PPID: variants seen among roughly 807,000 people sequenced by gnomAD.
PPID encodes the protein peptidylprolyl isomerase D.
PPID carries 47 observed loss-of-function variants against 48.1 expected under a neutral mutation model. The observed-to-expected ratio is 0.98, with a 90% CI of 0.77 to 1.25. The LOEUF is 1.25. PPID is among the 50% of genes most tolerant of loss of function. The pLI is 0.00. For missense variants in PPID, 429 were observed against 443.5 expected, an observed-to-expected ratio of 0.97 and a Z score of 0.29; for synonymous variants, 163 against 148.8, an observed-to-expected ratio of 1.10 and a Z score of -0.69.
chr4:158,720,871 C>G (rs1281997955), intron 2 of PPID, among the ~76,000 whole-genome samples: 3 of 152,022 alleles, frequency 2.0e-5, no homozygotes, highest in Non-Finnish European at 2.9e-5. Flanking sequence ...CCCACCATCA[C>G]ACCCGGCTTA....
At chr4:158,721,551 G>A in intron 1 of PPID, 68 bp from the exon 2 acceptor site, 1 of 1,531,018 alleles carries the variant, frequency 6.5e-7, no homozygotes, top group Non-Finnish European at 8.9e-7. Flanking sequence ...AAGAAGGTTG[G>A]TATAATTATG....
intron 6 of PPID, 130 bp downstream of exon 6, chr4:158,715,167 G>A: frequency 1.4e-6 from 1 of 734,004 alleles, no homozygotes; most frequent in South Asian, 3.5e-5. Flanking sequence ...GAAAAAAAAG[G>A]AAATGCAACT....
intron 6 of PPID, 112 bp from the exon 7 acceptor site, chr4:158,713,372 A>G: frequency 9.1e-7 from 1 of 1,101,640 alleles, no homozygotes; most frequent in Non-Finnish European, 1.2e-6. Flanking sequence ...TAAAAATGCT[A>G]TTAATAATCT....
At chr4:158,716,887 G>C in intron 4 of PPID, 125 bp downstream of exon 4, 1 of 935,682 alleles carries the variant, frequency 1.1e-6, no homozygotes, top group South Asian at 1.6e-5. Flanking sequence ...CTTGAACCTG[G>C]GAGACAGAGG....
rs147585130 is a variant in PPID at position 158,721,431 on chromosome 4, T to G, written c.138A>C (p.Glu46Asp). 2.5e-6 allele frequency: 4 copies of G among 1,614,018 alleles called. No homozygotes were observed. Among genetic ancestry groups the G allele is most frequent in the Non-Finnish European group, 3.4e-6 (4 of 1,179,990 alleles). The change falls in exon 2 of 10, where the codon GAA becomes GAC. Residue 46 changes from glutamate to aspartate, a missense_variant. Transcript: ENST00000307720. ...LFADIVPKTA[E>D]NFRALCTGEK... is the part of the protein sequence containing the mutation. ...CTCCTGTACACAGTGCACGAAAATT[T>G]TCCGCAGTTTTGGGTACGATATCTG... is the stretch of plus-strand genomic sequence containing the variant.
At position 158,709,665 on chromosome 4, in the gene PPID, T is replaced by A; in HGVS notation, c.*71A>T. On this transcript the variant is annotated 3_prime_UTR_variant, in exon 10 of 10. Coordinates refer to ENST00000307720, the MANE Select transcript of PPID (RefSeq NM_005038.3). Reference sequence around the variant, plus strand: ...AGAAACACATTAGGGATCATATTCATAGACAAAAACCTTTACATTTTCTTA... The same window carrying A: ...AGAAACACATTAGGGATCATATTCAAAGACAAAAACCTTTACATTTTCTTA... 4 of 1,197,126 alleles carry A rather than the reference T, an allele frequency of 3.3e-6. No homozygotes were observed. The highest frequency in any genetic ancestry group is 4.8e-6 in the Non-Finnish European group (4 of 830,482). 74.2% of individuals were successfully genotyped at this position (1,197,126 alleles called of 1,614,324 possible).
At chr4:158,720,567 G>A (rs907524865) in intron 2 of PPID, among the ~76,000 whole-genome samples, 2 of 152,148 alleles carry the variant, frequency 1.3e-5, no homozygotes, top group Non-Finnish European at 2.9e-5. Context: ...CTAAACAAAA[G>A]TATGATTCAT....
intron 7 of PPID, 145 bp from the exon 8 acceptor site, chr4:158,710,993 G>C: frequency 1.4e-6 from 1 of 716,770 alleles, no homozygotes; most frequent in Non-Finnish European, 2.3e-6. Flanking sequence ...TCCTCTGCCA[G>C]TGGGCACTAA....
rs747727482 is a variant in PPID, at chr4:158,713,187, C to T, written c.826G>A (p.Val276Ile). 1.2e-6 allele frequency: 2 copies of T among 1,613,890 alleles called. No individual in the cohort carries two copies. The highest frequency in any genetic ancestry group is 2.7e-5 in the African/African-American group (2 of 74,938). The change falls in exon 7 of 10, where the codon GTA becomes ATA. Residue 276 changes from valine to isoleucine, a missense_variant. Val to Ile is a conservative substitution (Grantham distance 29). Coordinates refer to ENST00000307720, the MANE Select transcript of PPID (RefSeq NM_005038.3). ...AGTTTACAAGCACCAATATTCAGTA[C>T]ACAGCTTAAAGCTATAGGTTGCAGC... is the stretch of plus-strand genomic sequence containing the variant. Reference protein sequence around the residue: ...AKLQPIALSCVLNIGACKLKM... With the variant: ...AKLQPIALSCILNIGACKLKM...
At chr4:158,712,351 A>G (rs1402470285) in intron 7 of PPID, among the ~76,000 whole-genome samples, 1 of 152,184 alleles carries the variant, frequency 6.6e-6, no homozygotes, top group East Asian at 1.9e-4. Context: ...TCCTATCCTG[A>G]ATCACTTATT....
intron 2 of PPID, among the ~76,000 whole-genome samples, chr4:158,719,889 A>G (rs1489288684): frequency 6.6e-6 from 1 of 152,222 alleles, no homozygotes; most frequent in African/African-American, 2.4e-5. Context: ...CACAGTGGTA[A>G]GGATACACAG....
rs17843950 is a variant in PPID at position 158,711,474 on chromosome 4, G to A, written c.895-626C>T. ...CCTGGAATTAAGCGATCTGCCCGCC[G>A]CCGTGGCCTCCCTAAGTGCTGGAAT... On this transcript the variant is annotated intron_variant, in intron 7 of 9. Transcript: ENST00000307720. 2.8e-3 allele frequency among the ~76,000 whole-genome samples: 427 copies of A among 151,650 alleles called. 5 individuals are homozygous for A. Among genetic ancestry groups the A allele is most frequent in the African/African-American group, 9.5e-3 (391 of 41,270 alleles).
chr4:158,715,124 T>C (rs1774848818), intron 6 of PPID, among the ~76,000 whole-genome samples, 173 bp downstream of exon 6: 1 of 141,816 alleles, frequency 7.1e-6, no homozygotes, highest in Non-Finnish European at 1.5e-5. Flanking sequence ...GTTCAACTTC[T>C]GTCTTTTGAA....
chr4:158,715,469 A>G (rs963033683), intron 5 of PPID, 66 bp from the exon 6 acceptor site: 3 of 1,538,284 alleles, frequency 2.0e-6, no homozygotes, highest in East Asian at 4.7e-5. Flanking sequence ...AGATTCTATC[A>G]TATGAGAGAC....
rs1406133441 is a variant in PPID at position 158,709,539 on chromosome 4, C to G, written c.*197G>C. On this transcript the variant is annotated 3_prime_UTR_variant, in exon 10 of 10. Coordinates refer to ENST00000307720, the MANE Select transcript of PPID (RefSeq NM_005038.3). Reference sequence around the variant, plus strand: ...AGAGCAAGACTCCATCTCAAAGAAACAAACAAAACCACTTTACTTACTGTA... The same window carrying G: ...AGAGCAAGACTCCATCTCAAAGAAAGAAACAAAACCACTTTACTTACTGTA... The G allele has an allele frequency of 7.2e-6, 3 of 417,418 alleles. No homozygotes were observed. Among genetic ancestry groups the G allele is most frequent in the East Asian group, 3.9e-5 (1 of 25,422 alleles). The allele number at this position is 417,418 out of a possible 1,614,324, so 25.9% of individuals were successfully genotyped here. A position where few individuals can be genotyped will look rare whatever the true frequency, so the allele number is the denominator to read the frequency against.
At chr4:158,712,043 C>T (rs1466278091) in intron 7 of PPID, among the ~76,000 whole-genome samples, 2 of 152,152 alleles carry the variant, frequency 1.3e-5, no homozygotes, top group Non-Finnish European at 2.9e-5. Flanking sequence ...ATTCCTATCC[C>T]TTATTCCATC....
In PPID at chr4:158,723,363, C is replaced by A; in HGVS notation, c.-75G>T. The A allele has an allele frequency of 7.0e-7, 1 of 1,437,298 alleles. No homozygotes were observed. Among genetic ancestry groups the A allele is most frequent in the Non-Finnish European group, 9.7e-7 (1 of 1,034,650 alleles). The allele number at this position is 1,437,298 out of a possible 1,614,324, so 89.0% of individuals were successfully genotyped here. ...GCCCGGGCCGCCCAAACTCCAGAGT[C>A]CGTCTCCGCCGGAGACCGGCAGCGA... On this transcript the variant is annotated 5_prime_UTR_variant, in exon 1 of 10. Transcript: ENST00000307720.
At chr4:158,722,431 G>A (rs971258080) in intron 1 of PPID, among the ~76,000 whole-genome samples, 5 of 152,266 alleles carry the variant, frequency 3.3e-5, no homozygotes, top group African/African-American at 9.6e-5. Flanking sequence ...CTAGATAGCA[G>A]CTAAGACAGG....
chr4:158,714,494 G>A (rs114186855), intron 6 of PPID, among the ~76,000 whole-genome samples: 25 of 151,974 alleles, frequency 1.6e-4, no homozygotes, highest in African/African-American at 5.8e-4. Context: ...GGTAGGAAAC[G>A]TAAGAGATAC....
Sources: allele counts gnomAD v4.1 joint callset (sites outside exome capture counted in the v4.1 genomes callset), GRCh38; gene constraint gnomAD v4.1.1; transcripts MANE v1.5; gene names NCBI Gene and HGNC (gene_info 2026-07-23, HGNC 2026-07-21).